The following GRIA4 variants were observed in gnomAD, a reference collection of about 807,000 sequenced individuals.
The protein encoded by GRIA4 is glutamate receptor 4.
Under a neutral mutation model 104.0 loss-of-function variants are expected in GRIA4, and 34 were observed. The observed-to-expected ratio is 0.33, with a 90% CI of 0.25 to 0.44. The LOEUF (loss-of-function observed/expected upper bound fraction) is 0.44, where lower values mean the gene tolerates loss of function less well. Ranked by LOEUF, GRIA4 falls within the 20% of genes least tolerant of loss-of-function variation. The pLI, the probability that GRIA4 is intolerant of heterozygous loss-of-function variation, is 1.00. For missense variants in GRIA4, 750 were observed against 1,096.5 expected, an observed-to-expected ratio of 0.68 and a Z score of 4.46; for synonymous variants, 386 against 381.9, an observed-to-expected ratio of 1.01 and a Z score of -0.13.
At chr11:105,899,662 T>G (rs1183320803) in intron 7 of GRIA4, among the ~76,000 whole-genome samples, 2 of 152,200 alleles carry the variant, frequency 1.3e-5, no homozygotes, top group Non-Finnish European at 2.9e-5. Flanking sequence ...TAAGTAAATA[T>G]AGAACTATTG....
intron 9 of GRIA4, among the ~76,000 whole-genome samples, chr11:105,909,985 A>G (rs1042469183): frequency 2.0e-5 from 3 of 152,190 alleles, no homozygotes; most frequent in African/African-American, 7.2e-5. Context: ...TTAAAAATAT[A>G]CAAGTTTCTT....
intron 3 of GRIA4, among the ~76,000 whole-genome samples, chr11:105,719,256 T>C (rs1348243979): frequency 3.9e-5 from 6 of 152,118 alleles, no homozygotes; most frequent in Non-Finnish European, 1.5e-5. Flanking sequence ...CAATCACTCA[T>C]TGTGTTTGCT....
At chr11:105,848,265 T>G (rs1944666974) in intron 4 of GRIA4, among the ~76,000 whole-genome samples, 1 of 152,204 alleles carries the variant, frequency 6.6e-6, no homozygotes, top group South Asian at 2.1e-4. Flanking sequence ...TTGTACTCTT[T>G]GAAATTGTAA....
chr11:105,786,598 AT>A (rs1446606914), intron 4 of GRIA4, among the ~76,000 whole-genome samples: 1 of 152,228 alleles, frequency 6.6e-6, no homozygotes, highest in Non-Finnish European at 1.5e-5. Context: ...TACATAGTAC[AT>A]AACCTAGTCT....
At chr11:105,652,004 G>T (rs1951698472) in intron 3 of GRIA4, among the ~76,000 whole-genome samples, 1 of 152,010 alleles carries the variant, frequency 6.6e-6, no homozygotes, top group African/African-American at 2.4e-5. Flanking sequence ...TCAGAAAAGT[G>T]AAGTTAACTT....
At chr11:105,669,893 T>G (rs1290206001) in intron 3 of GRIA4, among the ~76,000 whole-genome samples, 1 of 152,072 alleles carries the variant, frequency 6.6e-6, no homozygotes, top group Admixed American at 6.6e-5. Context: ...TGATCCCGGA[T>G]GGATACATCT....
chr11:105,911,775 A>AATATAT (rs60005308), intron 10 of GRIA4: 4,541 of 74,382 alleles, frequency 0.061, 362 homozygotes, highest in African/African-American at 0.077. Context: ...CTTGAAAAGC[A>AATATAT]ATATATATAT....
chr11:105,876,650 T>A (rs1945834536), intron 5 of GRIA4, among the ~76,000 whole-genome samples: 1 of 152,220 alleles, frequency 6.6e-6, no homozygotes, highest in Admixed American at 6.5e-5. Context: ...GTTGCATTGA[T>A]CCCTTTACCA....
intron 4 of GRIA4, among the ~76,000 whole-genome samples, chr11:105,781,881 A>G (rs1941744574): frequency 6.6e-6 from 1 of 152,168 alleles, no homozygotes; most frequent in South Asian, 2.1e-4. Context: ...TGTTTATTTT[A>G]CAATTAACAA....
intron 7 of GRIA4, among the ~76,000 whole-genome samples, chr11:105,902,938 CTAA>C (rs1946911231): frequency 6.6e-6 from 1 of 152,140 alleles, no homozygotes; most frequent in Non-Finnish European, 1.5e-5. Flanking sequence ...CAGGAATTTT[CTAA>C]TAAGTCTCTA....
intron 3 of GRIA4, among the ~76,000 whole-genome samples, chr11:105,723,222 A>G (rs893902599): frequency 2.0e-5 from 3 of 152,124 alleles, no homozygotes; most frequent in Admixed American, 6.6e-5. Flanking sequence ...TAATCAAATT[A>G]CGCAATTTTA....
intron 3 of GRIA4, among the ~76,000 whole-genome samples, chr11:105,742,768 G>A (rs547078876): frequency 6.6e-6 from 1 of 152,120 alleles, no homozygotes; most frequent in East Asian, 1.9e-4. Flanking sequence ...AGTTTTTTGT[G>A]TTCTGTCACC....
At position 105,862,142 on chromosome 11, in the gene GRIA4, C is replaced by G; in HGVS notation, c.606C>G (p.Asp202Glu). The stretch of plus-strand genomic sequence containing the variant: ...ATAGGCAACTTCTAGAAGAACTTGA[C>G]AGAAGACAAGAGAAGAAGTTTGTAA... ...VSYRQLLEEL[D>E]RRQEKKFVID... is the part of the protein sequence containing the mutation. Residue 202 changes from aspartate (D) to glutamate (E), a missense_variant, in exon 5 of 17, where the codon GAC (aspartate) becomes GAG (glutamate). By Grantham distance (45) the Asp-to-Glu change is conservative. This residue lies in a region of GRIA4 where 410 missense variants were observed against 502.7 expected (regional missense o/e 0.82). Coordinates refer to ENST00000282499, the MANE Select transcript of GRIA4 (RefSeq NM_000829.4). 6.2e-7 allele frequency: 1 copy of G among 1,607,724 alleles called. No homozygotes were observed. Among genetic ancestry groups the G allele is most frequent in the Non-Finnish European group, 8.5e-7 (1 of 1,174,292 alleles).
At chr11:105,902,997 C>T (rs1326896284) in intron 7 of GRIA4, among the ~76,000 whole-genome samples, 1 of 152,280 alleles carries the variant, frequency 6.6e-6, no homozygotes, top group African/African-American at 2.4e-5. Flanking sequence ...TAGAAAACTA[C>T]ATTTTTATCT....
intron 3 of GRIA4, among the ~76,000 whole-genome samples, chr11:105,650,848 T>G (rs1023573910): frequency 2.3e-4 from 35 of 152,266 alleles, no homozygotes; most frequent in Admixed American, 2.6e-4. Flanking sequence ...TCTATAAATA[T>G]TCTCACTAAA....
intron 3 of GRIA4, among the ~76,000 whole-genome samples, chr11:105,734,893 A>G (rs1353953461): frequency 6.6e-6 from 1 of 152,172 alleles, no homozygotes; most frequent in East Asian, 1.9e-4. Context: ...TCACATGTGA[A>G]TTCTCTACTG....
At chr11:105,618,297 A>G (rs987382644) in intron 3 of GRIA4, among the ~76,000 whole-genome samples, 2 of 152,026 alleles carry the variant, frequency 1.3e-5, no homozygotes, top group African/African-American at 4.8e-5. Flanking sequence ...AGAACAGGCT[A>G]GGTTGCAAAA....
chr11:105,728,800 C>T (rs1321079568), intron 3 of GRIA4, among the ~76,000 whole-genome samples: 2 of 152,116 alleles, frequency 1.3e-5, no homozygotes, highest in Non-Finnish European at 2.9e-5. Context: ...TTCCTTGAAA[C>T]TAATGATAAC....
chr11:105,923,970 T>C (rs1450493374), intron 11 of GRIA4, among the ~76,000 whole-genome samples: 1 of 152,116 alleles, frequency 6.6e-6, no homozygotes, highest in Non-Finnish European at 1.5e-5. Context: ...GATGGCCAAG[T>C]AATGAATCAG....
Sources: allele counts gnomAD v4.1 joint callset (sites outside exome capture counted in the v4.1 genomes callset), GRCh38; gene constraint gnomAD v4.1.1; regional missense constraint gnomAD v4.1.1; transcripts MANE v1.5; gene names NCBI Gene and HGNC (gene_info 2026-07-23, HGNC 2026-07-21).